The following NOVA1 variants were observed in gnomAD, a reference collection of about 807,000 sequenced individuals.
The protein encoded by NOVA1 is RNA-binding protein Nova-1.
A neutral mutation model predicts 38.0 loss-of-function variants in NOVA1; 7 were observed. The observed-to-expected ratio is 0.18, with a 90% CI of 0.10 to 0.35. The LOEUF is 0.35. Ranked by LOEUF, NOVA1 falls within the 10% of genes least tolerant of loss-of-function variation. NOVA1 has a pLI of 1.00. For synonymous variants in NOVA1, 270 were observed against 232.5 expected (o/e 1.16, Z -1.47); for missense variants, 460 against 616.0 (o/e 0.75, Z 2.68).
Position 26,574,863 on chromosome 14 carries a change from T to C in NOVA1, c.280+20547A>G, listed in dbSNP as rs899573695. 4.6e-5 allele frequency among the ~76,000 whole-genome samples: 7 copies of C among 152,098 alleles called. 1 individual carries two copies. The highest frequency in any genetic ancestry group is 4.6e-4 in the Admixed American group (7 of 15,278). On this transcript the variant is annotated intron_variant, in intron 2 of 4. Transcript: ENST00000539517. ...TTTTTGTAGAGACAGAGTCTCACTC[T>C]GTTGCCCAGGCTGGTCTGAAACTCC...
intron 2 of NOVA1, among the ~76,000 whole-genome samples, chr14:26,489,600 A>C (rs1354576971): frequency 2.6e-5 from 4 of 152,052 alleles, no homozygotes; most frequent in Non-Finnish European, 5.9e-5. Flanking sequence ...AACTGTACAT[A>C]TACCAAGGCG....
intron 4 of NOVA1, chr14:26,470,483 T>A (rs778433598): frequency 2.6e-6 from 4 of 1,552,370 alleles, no homozygotes; most frequent in Non-Finnish European, 3.6e-6. Flanking sequence ...CCAGGAGATA[T>A]TATGCTTCTT....
chr14:26,479,354 G>T (rs910760498), intron 3 of NOVA1: 2 of 151,814 alleles, frequency 1.3e-5, no homozygotes, highest in African/African-American at 2.4e-5. Context: ...ACTCACATCA[G>T]TTTTTCCCAA....
chr14:26,487,533 T>G (rs576587958), intron 2 of NOVA1, among the ~76,000 whole-genome samples: 74 of 152,188 alleles, frequency 4.9e-4, no homozygotes, highest in African/African-American at 1.6e-3. Context: ...CCAACTTACA[T>G]GTATGGAAAT....
intron 2 of NOVA1, among the ~76,000 whole-genome samples, chr14:26,582,519 C>CT (rs1382253901): frequency 6.6e-6 from 1 of 151,700 alleles, no homozygotes; most frequent in East Asian, 1.9e-4. Flanking sequence ...TTCCTATGCA[C>CT]TTTTTTCTAA....
intron 2 of NOVA1, among the ~76,000 whole-genome samples, chr14:26,574,753 C>A (rs931233080): frequency 6.6e-6 from 1 of 152,126 alleles, no homozygotes; most frequent in Non-Finnish European, 1.5e-5. Context: ...AACACCTGGG[C>A]TCATGTGATC....
intron 2 of NOVA1, among the ~76,000 whole-genome samples, chr14:26,575,133 T>C (rs1031501917): frequency 1.3e-5 from 2 of 152,200 alleles, no homozygotes; most frequent in African/African-American, 2.4e-5. Context: ...TTTTAAAATG[T>C]ATGTAATTCA....
At chr14:26,561,156 T>A (rs1891797535) in intron 2 of NOVA1, among the ~76,000 whole-genome samples, 1 of 152,070 alleles carries the variant, frequency 6.6e-6, no homozygotes, top group Non-Finnish European at 1.5e-5. Flanking sequence ...GGAGCTCAGG[T>A]GGTAATGCTA....
chr14:26,505,436 T>C (rs879297537), intron 2 of NOVA1, among the ~76,000 whole-genome samples: 1 of 152,250 alleles, frequency 6.6e-6, no homozygotes, highest in South Asian at 2.1e-4. Context: ...CATGTAAAGA[T>C]GTGCCTTGCT....
chr14:26,462,683 G>C (rs1883783552), intron 4 of NOVA1, among the ~76,000 whole-genome samples: 1 of 152,126 alleles, frequency 6.6e-6, no homozygotes, highest in Admixed American at 6.6e-5. Flanking sequence ...CAGTCAGTAA[G>C]TGCTTCCTCT....
intron 2 of NOVA1, among the ~76,000 whole-genome samples, chr14:26,592,490 G>T (rs1893915938): frequency 6.6e-6 from 1 of 151,118 alleles, no homozygotes; most frequent in African/African-American, 2.4e-5. Flanking sequence ...GGATTACGTA[G>T]TACAGCAAAA....
At chr14:26,503,290 C>T (rs1277297019) in intron 2 of NOVA1, among the ~76,000 whole-genome samples, 1 of 151,922 alleles carries the variant, frequency 6.6e-6, no homozygotes, top group Admixed American at 6.6e-5. Flanking sequence ...CACTGAATCT[C>T]ACGCACACAC....
At position 26,535,972 on chromosome 14, in the gene NOVA1, C is replaced by G. The variant is rs1367182594; in HGVS notation, c.281-55829G>C. Among the ~76,000 whole-genome samples, 8 of 145,224 alleles carry G rather than the reference C, an allele frequency of 5.5e-5. No individual in the cohort carries two copies. In the Admixed American group the frequency reaches 5.6e-4, roughly 10 times the overall value. ...CCAGCCTGGGCAACAAAGCGAGACT[C>G]CGTCTCAAAAAAAAAAAAAAAAATG... On this transcript the variant is annotated intron_variant, in intron 2 of 4. Coordinates refer to ENST00000539517, the MANE Select transcript of NOVA1 (RefSeq NM_002515.3).
chr14:26,518,894 T>C (rs1387740082), intron 2 of NOVA1, among the ~76,000 whole-genome samples: 1 of 152,104 alleles, frequency 6.6e-6, no homozygotes. Context: ...ATTACGACGA[T>C]TTTTCATGTG....
At chr14:26,505,430 T>A (rs1887572932) in intron 2 of NOVA1, among the ~76,000 whole-genome samples, 1 of 152,114 alleles carries the variant, frequency 6.6e-6, no homozygotes, top group Non-Finnish European at 1.5e-5. Context: ...TGTCACCATG[T>A]AAAGATGTGC....
chr14:26,508,499 A>G (rs1056953635), intron 2 of NOVA1, among the ~76,000 whole-genome samples: 2 of 151,866 alleles, frequency 1.3e-5, no homozygotes, highest in African/African-American at 4.8e-5. Context: ...ACAACCCTAT[A>G]TCCTACGATT....
intron 2 of NOVA1, among the ~76,000 whole-genome samples, chr14:26,572,064 T>C (rs1892514789): frequency 6.6e-6 from 1 of 152,228 alleles, no homozygotes; most frequent in African/African-American, 2.4e-5. Flanking sequence ...TATTACCCTG[T>C]ACTAAAGGTT....
At chr14:26,479,530 G>A (rs61990566) in intron 3 of NOVA1, 5,095 of 158,030 alleles carry the variant, frequency 0.032, 111 homozygotes, top group South Asian at 0.055. Flanking sequence ...TAAAAAATGA[G>A]AACATGACAA....
chr14:26,534,251 G>T (rs535596460), intron 2 of NOVA1, among the ~76,000 whole-genome samples: 1 of 152,240 alleles, frequency 6.6e-6, no homozygotes, highest in Admixed American at 6.5e-5. Flanking sequence ...ATACAGAAAT[G>T]CAAGTGTGGG....
Sources: gnomAD v4.1 joint callset for allele counts (sites outside exome capture counted in the v4.1 genomes callset) on GRCh38, gnomAD v4.1.1 for gene constraint, MANE v1.5 for transcripts, NCBI Gene and HGNC (gene_info 2026-07-23, HGNC 2026-07-21) for gene names.